RASAL2: variants seen among roughly 807,000 people sequenced by gnomAD.
RASAL2 encodes RAS protein activator like 2.
Under a neutral mutation model 128.9 loss-of-function variants are expected in RASAL2, and 58 were observed. The ratio of observed to expected loss-of-function variants is 0.45; its 90% CI spans 0.36 to 0.56. RASAL2 has a LOEUF of 0.56. Ranked by LOEUF, RASAL2 falls within the 20% of genes least tolerant of loss-of-function variation. The probability of loss-of-function intolerance (pLI) is 0.00; values close to 1 mark genes in which losing one functional copy is unlikely to be tolerated. For synonymous variants in RASAL2, 561 were observed against 580.8 expected (o/e 0.97, Z 0.49); for missense variants, 1,360 against 1,601.6 (o/e 0.85, Z 2.57).
chr1:178,180,784 A>C (rs1179554582), intron 1 of RASAL2, among the ~76,000 whole-genome samples: 2 of 150,898 alleles, frequency 1.3e-5, no homozygotes, highest in East Asian at 4.0e-4. Context: ...TTTTATGCAC[A>C]AAATACTATA....
intron 3 of RASAL2, among the ~76,000 whole-genome samples, chr1:178,349,475 A>AT (rs1280107981): frequency 6.6e-6 from 1 of 151,936 alleles, no homozygotes; most frequent in Non-Finnish European, 1.5e-5. Flanking sequence ...AGGACTTTAC[A>AT]TTTGGGGTCA....
chr1:178,283,459 T>C, intron 1 of RASAL2, 105 bp from the exon 2 acceptor site: 1 of 1,381,066 alleles, frequency 7.2e-7, no homozygotes, highest in Non-Finnish European at 9.9e-7. Context: ...GATTCGTGTT[T>C]AGGCTCACCT....
chr1:178,321,260 T>A (rs996506207), intron 3 of RASAL2, among the ~76,000 whole-genome samples: 1 of 152,044 alleles, frequency 6.6e-6, no homozygotes, highest in Non-Finnish European at 1.5e-5. Flanking sequence ...ATTTTTGTAT[T>A]TTTAGTAGAG....
At chr1:178,406,499 G>A (rs1398988856) in intron 4 of RASAL2, among the ~76,000 whole-genome samples, 1 of 151,966 alleles carries the variant, frequency 6.6e-6, no homozygotes, top group Non-Finnish European at 1.5e-5. Context: ...CACTTGTATT[G>A]GTACAGCATA....
intron 4 of RASAL2, among the ~76,000 whole-genome samples, chr1:178,404,775 G>A (rs1204180364): frequency 2.7e-5 from 4 of 149,598 alleles, no homozygotes; most frequent in African/African-American, 4.9e-5. Flanking sequence ...TCCACCTCCC[G>A]GGTTCAAAGG....
At chr1:178,120,827 G>T (rs1453763046) in intron 1 of RASAL2, 1 of 152,252 alleles carries the variant, frequency 6.6e-6, no homozygotes. Flanking sequence ...AGTAGGGTTC[G>T]TGCTCCCATG....
At chr1:178,456,482 C>T (rs1572108050) in intron 12 of RASAL2, 2 of 595,414 alleles carry the variant, frequency 3.4e-6, no homozygotes, top group South Asian at 2.0e-5. Flanking sequence ...ATCCTGATTT[C>T]GATTTCCTTT....
chr1:178,306,079 G>A (rs1292801980), intron 3 of RASAL2, among the ~76,000 whole-genome samples: 2 of 152,184 alleles, frequency 1.3e-5, no homozygotes, highest in East Asian at 3.8e-4. Context: ...TACTAAATTT[G>A]ACATAGATTT....
In RASAL2 at chr1:178,452,554, C is replaced by G; in HGVS notation, c.1911C>G (p.Pro637=). The G allele has an allele frequency of 6.2e-7, 1 of 1,614,038 alleles. No individual in the cohort carries two copies. The highest frequency in any genetic ancestry group is 1.1e-5 in the South Asian group (1 of 91,074). The change falls in exon 11 of 18, where the codon CCC becomes CCG. Residue 637 remains proline (P), a synonymous_variant. Transcript: ENST00000367649. ...LRFLCPAIMS[P]SLFNLMQEYP... ...TTCTGTGTCCAGCCATTATGTCTCC[C>G]AGTCTTTTCAACCTTATGCAGGAGT...
intron 3 of RASAL2, among the ~76,000 whole-genome samples, chr1:178,385,928 C>G (rs1257300536): frequency 2.0e-5 from 3 of 152,118 alleles, no homozygotes; most frequent in African/African-American, 7.2e-5. Context: ...AGTGCAACTA[C>G]CTATTGAAAA....
At chr1:178,136,034 C>T (rs1283048848) in intron 1 of RASAL2, among the ~76,000 whole-genome samples, 1 of 152,080 alleles carries the variant, frequency 6.6e-6, no homozygotes, top group East Asian at 1.9e-4. Flanking sequence ...CGTATGAACT[C>T]TTTGGGTCTG....
intron 1 of RASAL2, among the ~76,000 whole-genome samples, chr1:178,154,433 G>A (rs1385045061): frequency 2.0e-5 from 3 of 152,128 alleles, no homozygotes; most frequent in Admixed American, 6.5e-5. Context: ...ACAGCAGTGG[G>A]CCACACTGCC....
intron 3 of RASAL2, among the ~76,000 whole-genome samples, chr1:178,382,376 G>T (rs1672331561): frequency 6.6e-6 from 1 of 152,088 alleles, no homozygotes; most frequent in Non-Finnish European, 1.5e-5. Context: ...GTTCTTTACA[G>T]GTTTTGTGTG....
At chr1:178,098,370 A>G (rs760124431) in intron 1 of RASAL2, among the ~76,000 whole-genome samples, 5 of 152,268 alleles carry the variant, frequency 3.3e-5, no homozygotes, top group Non-Finnish European at 5.9e-5. Flanking sequence ...TCAAATGCAG[A>G]ACATTTTTCA....
intron 1 of RASAL2, among the ~76,000 whole-genome samples, chr1:178,218,792 G>A (rs1159622226): frequency 1.3e-5 from 2 of 152,152 alleles, no homozygotes; most frequent in African/African-American, 2.4e-5. Context: ...TAATTCATAC[G>A]GGCCCTAGGA....
Position 178,467,431 on chromosome 1 carries a change from C to G in RASAL2, c.3678+10C>G, listed in dbSNP as rs764044780. On this transcript the variant is annotated intron_variant, in intron 17 of 17. Transcript: ENST00000367649. Reference sequence around the variant, plus strand: ...AATAATTGATGCACAGGTAAGCAGGCTTTGAATCTAATAGAAGGCACTTGT... The same window carrying G: ...AATAATTGATGCACAGGTAAGCAGGGTTTGAATCTAATAGAAGGCACTTGT... 1 of 1,608,630 alleles carries G rather than the reference C, an allele frequency of 6.2e-7. No homozygotes were observed. Among genetic ancestry groups the G allele is most frequent in the Non-Finnish European group, 8.5e-7 (1 of 1,175,170 alleles).
chr1:178,143,049 G>A (rs1182904355), intron 1 of RASAL2, among the ~76,000 whole-genome samples: 2 of 151,826 alleles, frequency 1.3e-5, no homozygotes, highest in Non-Finnish European at 2.9e-5. Context: ...TGATAGTTTT[G>A]AAAAGGCCTG....
At chr1:178,171,543 T>G (rs1357141427) in intron 1 of RASAL2, among the ~76,000 whole-genome samples, 2 of 152,020 alleles carry the variant, frequency 1.3e-5, no homozygotes, top group African/African-American at 4.8e-5. Flanking sequence ...AATATTTTAC[T>G]TGTATAGTTG....
intron 7 of RASAL2, 84 bp from the exon 8 acceptor site, chr1:178,442,591 T>A: frequency 8.5e-7 from 1 of 1,171,062 alleles, no homozygotes; most frequent in Non-Finnish European, 1.2e-6. Flanking sequence ...ATAGAGTACC[T>A]AATGAACATT....
Sources: gnomAD v4.1 joint callset for allele counts (sites outside exome capture counted in the v4.1 genomes callset) on GRCh38, gnomAD v4.1.1 for gene constraint, MANE v1.5 for transcripts, NCBI Gene and HGNC (gene_info 2026-07-23, HGNC 2026-07-21) for gene names.